Variants in DAZL observed in about 807,000 individuals in gnomAD.
DAZL encodes the protein deleted in azoospermia like, also known as deleted in azoospermia-like.
A neutral mutation model predicts 45.0 loss-of-function variants in DAZL; 4 were observed. The ratio of observed to expected loss-of-function variants is 0.09; its 90% confidence interval spans 0.04 to 0.20. The LOEUF is 0.20. Ranked by LOEUF, DAZL falls within the 10% of genes least tolerant of loss-of-function variation. DAZL has a pLI of 1.00. For missense variants in DAZL, 326 were observed against 351.3 expected, an observed-to-expected ratio of 0.93 and a Z score of 0.58; for synonymous variants, 122 against 112.4, an observed-to-expected ratio of 1.09 and a Z score of -0.54.
intron 8 of DAZL, 56 bp downstream of exon 8, chr3:16,594,477 A>T (rs1475037701): frequency 7.5e-6 from 10 of 1,326,422 alleles, no homozygotes; most frequent in Non-Finnish European, 1.0e-5. Flanking sequence ...ATATAGTTAA[A>T]CAAAAAAAAA....
intron 10 of DAZL, among the ~76,000 whole-genome samples, chr3:16,589,107 GC>G (rs1418235538): frequency 6.6e-6 from 1 of 152,024 alleles, no homozygotes; most frequent in East Asian, 1.9e-4. Context: ...AGGAACCACG[GC>G]TTGTGAACAG....
At position 16,604,934 on chromosome 3, in the gene DAZL, C is replaced by A. The variant is rs541629278; in HGVS notation, c.3+269G>T. 200 of 683,788 alleles carry A rather than the reference C, an allele frequency of 2.9e-4. 1 individual carries two copies. The highest frequency in any genetic ancestry group is 1.5e-5 in the Non-Finnish European group (6 of 407,318). 42.4% of individuals were successfully genotyped at this position (683,788 alleles called of 1,614,324 possible). On this transcript the variant is annotated intron_variant, in intron 1 of 10. Coordinates refer to ENST00000399444, the MANE Select transcript of DAZL (RefSeq NM_001351.4). ...ATGGGTGCCTCAAGAAGGCCGTGGC[C>A]CTTGCACGTGGCCGGCGAGGCAGCG...
chr3:16,593,350 A>G (rs1253482501), intron 9 of DAZL, among the ~76,000 whole-genome samples: 1 of 152,200 alleles, frequency 6.6e-6, no homozygotes, highest in African/African-American at 2.4e-5. Flanking sequence ...TCAATTATTT[A>G]AGATCTATAA....
Position 16,595,369 on chromosome 3 carries a change from G to A in DAZL, c.515C>T (p.Pro172Leu). ...AGTGATGACCTGAACTGGTGAATTT[G>A]GGTAAGTAGGATATGCCTGAAAATC... ...TQYVQAYPTY[P>L]NSPVQVITGY... The change falls in exon 7 of 11, where the codon CCA becomes CTA. Residue 172 changes from proline (P) to leucine (L), a missense_variant. Pro to Leu is a moderately conservative substitution (Grantham distance 98, BLOSUM62 -3). Coordinates refer to ENST00000399444, the MANE Select transcript of DAZL (RefSeq NM_001351.4). 6.3e-7 allele frequency: 1 copy of A among 1,578,990 alleles called. No individual in the cohort carries two copies. The highest frequency in any genetic ancestry group is 1.2e-5 in the South Asian group (1 of 85,256).
intron 9 of DAZL, among the ~76,000 whole-genome samples, chr3:16,592,392 C>T (rs1253203015): frequency 6.6e-6 from 1 of 151,656 alleles, no homozygotes; most frequent in African/African-American, 2.4e-5. Flanking sequence ...ATGGTGAAAC[C>T]CCATCTCTAC....
intron 1 of DAZL, 105 bp downstream of exon 1, chr3:16,605,098 C>T (rs1350075331): frequency 1.0e-5 from 15 of 1,463,720 alleles, no homozygotes; most frequent in African/African-American, 2.8e-5. Flanking sequence ...GCCCCCCAAA[C>T]AGGAAAGCCG....
Position 16,587,188 on chromosome 3 carries a change from C to T in DAZL, c.*1472G>A, listed in dbSNP as rs1694450297. On this transcript the variant is annotated 3_prime_UTR_variant, in exon 11 of 11. Transcript: ENST00000399444. ...GAATTCTAAAGTTAAAAGACTCTCT[C>T]CTTCAGATTCAGAATGAAAATTTTA... is the stretch of plus-strand genomic sequence containing the variant. 6.6e-6 allele frequency: 1 copy of T among 152,122 alleles called. No individual in the cohort carries two copies. Among genetic ancestry groups the T allele is most frequent in the Admixed American group, 6.6e-5 (1 of 15,256 alleles). 9.4% of individuals were successfully genotyped at this position (152,122 alleles called of 1,614,324 possible).
At chr3:16,591,904 C>A in intron 10 of DAZL, 146 bp downstream of exon 10, 1 of 904,894 alleles carries the variant, frequency 1.1e-6, no homozygotes, top group Non-Finnish European at 1.7e-6. Flanking sequence ...CAGGTAAAAC[C>A]CACTCTGGTT....
At chr3:16,602,312 A>T (rs532603394) in intron 1 of DAZL, among the ~76,000 whole-genome samples, 70 of 152,340 alleles carry the variant, frequency 4.6e-4, no homozygotes, top group African/African-American at 1.6e-3. Flanking sequence ...AGAGAAATTT[A>T]AATTTTTACA....
chr3:16,601,611 C>CTTA (rs1294572787), intron 1 of DAZL, among the ~76,000 whole-genome samples: 2 of 152,046 alleles, frequency 1.3e-5, no homozygotes, highest in African/African-American at 4.8e-5. Context: ...TAAATGAATG[C>CTTA]TTAGGATAAG....
At chr3:16,601,546 T>C (rs1694689547) in intron 1 of DAZL, among the ~76,000 whole-genome samples, 1 of 152,190 alleles carries the variant, frequency 6.6e-6, no homozygotes, top group Non-Finnish European at 1.5e-5. Flanking sequence ...TTATAATGTA[T>C]ATATAAAAAT....
At chr3:16,597,456 T>G (rs74208885) in intron 4 of DAZL, 34 bp downstream of exon 4, 180,302 of 1,310,504 alleles carry the variant, frequency 0.14, 15,989 homozygotes, top group East Asian at 0.43. Flanking sequence ...TTGTATCAAT[T>G]AAACAAATGA....
chr3:16,604,420 T>C (rs1559405962), intron 1 of DAZL: 2 of 1,522,270 alleles, frequency 1.3e-6, no homozygotes, highest in Non-Finnish European at 1.8e-6. Flanking sequence ...AAATTCTTAA[T>C]GGTAACTGCT....
In DAZL at chr3:16,593,802, G is replaced by A. The variant is rs775453554; in HGVS notation, c.622-34C>T. The A allele has an allele frequency of 2.3e-6, 3 of 1,328,814 alleles. No individual in the cohort carries two copies. In the East Asian group the frequency reaches 7.3e-5, roughly 32 times the overall value. 82.3% of individuals were successfully genotyped at this position (1,328,814 alleles called of 1,614,324 possible). ...AAAATAATGAAAGTGTAATTAAACA[G>A]ATATACAGATATATTTAAAAGCCAC... On this transcript the variant is annotated intron_variant, in intron 8 of 10. Transcript: ENST00000399444.
chr3:16,597,464 T>C (rs774470685), intron 4 of DAZL, 26 bp downstream of exon 4: 5 of 1,377,732 alleles, frequency 3.6e-6, no homozygotes, highest in East Asian at 2.3e-5. Context: ...ATTAAACAAA[T>C]GAGATTTTTC....
chr3:16,594,704 G>C (rs56740803), intron 7 of DAZL, 121 bp from the exon 8 acceptor site: 84,369 of 579,646 alleles, frequency 0.15, 7,711 homozygotes, highest in African/African-American at 0.34. Context: ...TATAATAAAA[G>C]AAACAGAATG....
At chr3:16,595,503 A>G (rs1236046033) in intron 6 of DAZL, 118 bp from the exon 7 acceptor site, 2 of 590,040 alleles carry the variant, frequency 3.4e-6, no homozygotes, top group African/African-American at 3.8e-5. Context: ...ATATACAACA[A>G]TGCAGAATTC....
chr3:16,596,250 A>G (rs1324182449), intron 6 of DAZL, among the ~76,000 whole-genome samples: 1 of 152,094 alleles, frequency 6.6e-6, no homozygotes, highest in Non-Finnish European at 1.5e-5. Flanking sequence ...TAAATATCAA[A>G]GTAACCAAGA....
At chr3:16,604,321 AC>A in intron 1 of DAZL, 1 of 904,620 alleles carries the variant, frequency 1.1e-6, no homozygotes, top group East Asian at 2.8e-5. Context: ...AAAAACGCAC[AC>A]CCAACGCTAT....
Sources: allele counts gnomAD v4.1 joint callset (sites outside exome capture counted in the v4.1 genomes callset), GRCh38; gene constraint gnomAD v4.1.1; transcripts MANE v1.5; gene names NCBI Gene and HGNC (gene_info 2026-07-23, HGNC 2026-07-21).